The following GHR variants were observed in gnomAD, a reference collection of about 807,000 sequenced individuals.
GHR encodes the protein growth hormone receptor.
In GHR, 35 loss-of-function variants were observed where a neutral mutation model predicts 67.1. The observed-to-expected ratio is 0.52, with a 90% CI of 0.40 to 0.69. The LOEUF (loss-of-function observed/expected upper bound fraction) is 0.69. Ranked by LOEUF, GHR falls within the 30% of genes least tolerant of loss-of-function variation. GHR has a pLI of 0.00. For missense variants in GHR, 792 were observed against 764.6 expected, an observed-to-expected ratio of 1.04 and a Z score of -0.42; for synonymous variants, 272 against 269.1, an observed-to-expected ratio of 1.01 and a Z score of -0.10.
At chr5:42,657,710 T>C (rs926990572) in intron 3 of GHR, among the ~76,000 whole-genome samples, 5 of 152,238 alleles carry the variant, frequency 3.3e-5, no homozygotes, top group African/African-American at 1.2e-4. Flanking sequence ...TATGAAGTAC[T>C]ATAAGTCTAC....
chr5:42,611,704 T>C (rs1752899495), intron 2 of GHR, among the ~76,000 whole-genome samples: 1 of 152,140 alleles, frequency 6.6e-6, no homozygotes, highest in Non-Finnish European at 1.5e-5. Flanking sequence ...GAGGAAGGTT[T>C]TATTTTAGAT....
chr5:42,479,661 G>A (rs1315070548), intron 1 of GHR, among the ~76,000 whole-genome samples: 2 of 152,182 alleles, frequency 1.3e-5, no homozygotes, highest in Non-Finnish European at 2.9e-5. Flanking sequence ...AGATTTTCTA[G>A]TTTATTTGCG....
chr5:42,714,753 AAAAT>A (rs1579667852), intron 8 of GHR, among the ~76,000 whole-genome samples: 1 of 152,176 alleles, frequency 6.6e-6, no homozygotes, highest in Non-Finnish European at 1.5e-5. Context: ...TTGTTTCAGG[AAAAT>A]AAATAAATAT....
intron 1 of GHR, among the ~76,000 whole-genome samples, chr5:42,463,028 GATTT>G (rs775493592): frequency 6.6e-6 from 1 of 151,942 alleles, no homozygotes; most frequent in Admixed American, 6.6e-5. Flanking sequence ...TAAGGAGGTA[GATTT>G]ATTATTTTAA....
rs1386926774 is a variant in GHR, at chr5:42,718,113, C to A, written c.937C>A (p.Leu313Ile). Residue 313 changes from leucine to isoleucine, a missense_variant, in exon 9 of 10, where the codon CTC becomes ATC. Transcript: ENST00000230882. ...AAAGATTAAAGGAATCGATCCAGAT[C>A]TCCTCAAGGTAACTAATAATTTTAT... ...VPKIKGIDPDLLKEGKLEEVN... is the reference protein window; with the variant it reads ...VPKIKGIDPDILKEGKLEEVN... 1.3e-6 allele frequency: 2 copies of A among 1,488,328 alleles called. No homozygotes were observed. The highest frequency in any genetic ancestry group is 1.4e-5 in the African/African-American group (1 of 72,656). The allele number at this position is 1,488,328 out of a possible 1,614,324, so 92.2% of individuals were successfully genotyped here. A position where few individuals can be genotyped will look rare whatever the true frequency, so the allele number is the denominator to read the frequency against.
chr5:42,617,770 G>A (rs892479407), intron 2 of GHR, among the ~76,000 whole-genome samples: 2 of 152,130 alleles, frequency 1.3e-5, no homozygotes, highest in Non-Finnish European at 2.9e-5. Context: ...TGGAGTGGCC[G>A]TGTATGGGTT....
At chr5:42,480,738 T>G (rs1745589708) in intron 1 of GHR, among the ~76,000 whole-genome samples, 1 of 152,180 alleles carries the variant, frequency 6.6e-6, no homozygotes, top group Admixed American at 6.5e-5. Flanking sequence ...TCCATTTGCT[T>G]GGTAGATCTT....
intron 1 of GHR, among the ~76,000 whole-genome samples, chr5:42,448,573 CTATTATTATTATTATTAT>C (rs56084873): frequency 9.7e-5 from 14 of 144,342 alleles, no homozygotes; most frequent in Admixed American, 2.8e-4. Context: ...TATCTGTTTA[CTATTATTATTATTATTAT>C]TATTATTATT....
At chr5:42,662,098 C>T (rs1368224839) in intron 3 of GHR, among the ~76,000 whole-genome samples, 1 of 152,188 alleles carries the variant, frequency 6.6e-6, no homozygotes, top group African/African-American at 2.4e-5. Context: ...CATCCAGATT[C>T]ATAAAGCAAG....
At chr5:42,469,034 G>A (rs775048170) in intron 1 of GHR, among the ~76,000 whole-genome samples, 9 of 152,224 alleles carry the variant, frequency 5.9e-5, no homozygotes, top group Non-Finnish European at 1.3e-4. Flanking sequence ...CTCTAAAATG[G>A]AGTTATGTTT....
chr5:42,491,847 G>C (rs1027711466), intron 1 of GHR, among the ~76,000 whole-genome samples: 12 of 152,172 alleles, frequency 7.9e-5, no homozygotes, highest in Admixed American at 3.9e-4. Context: ...GGCATTCCAG[G>C]AGCAGATGTA....
intron 1 of GHR, among the ~76,000 whole-genome samples, chr5:42,499,186 AG>A (rs1381504788): frequency 2.6e-5 from 4 of 152,196 alleles, no homozygotes; most frequent in Non-Finnish European, 4.4e-5. Flanking sequence ...TCTGTAGATC[AG>A]GGCAGCAATC....
chr5:42,718,453 G>A lies in GHR; in HGVS notation c.946G>A (p.Glu316Lys). ...TCTTCATTTTCTTTCTATTTTCTAG[G>A]AAGGAAAATTAGAGGAGGTGAACAC... ...IKGIDPDLLK[E>K]GKLEEVNTIL... The change falls in exon 10 of 10, where the codon GAA becomes AAA. Residue 316 changes from glutamate to lysine, a missense_variant and splice_region_variant. Transcript: ENST00000230882. 1 of 1,602,430 alleles carries A rather than the reference G, an allele frequency of 6.2e-7. No homozygotes were observed. Among genetic ancestry groups the A allele is most frequent in the Admixed American group, 1.7e-5 (1 of 59,974 alleles).
At chr5:42,592,919 T>A (rs116432880) in intron 2 of GHR, among the ~76,000 whole-genome samples, 347 of 152,360 alleles carry the variant, frequency 2.3e-3, no homozygotes, top group South Asian at 4.6e-3. Context: ...TTTTTGAGTT[T>A]TTAATAATAG....
intron 1 of GHR, among the ~76,000 whole-genome samples, chr5:42,452,598 A>C (rs1744097147): frequency 6.6e-6 from 1 of 152,110 alleles, no homozygotes; most frequent in Non-Finnish European, 1.5e-5. Context: ...ATTTTTAAAA[A>C]TTCTTTTTTC....
chr5:42,531,582 C>T (rs1747971295), intron 1 of GHR, among the ~76,000 whole-genome samples: 1 of 151,994 alleles, frequency 6.6e-6, no homozygotes, highest in African/African-American at 2.4e-5. Context: ...TCAAGCAATC[C>T]ACAGATTTTT....
At chr5:42,711,430 T>C (rs927461502) in intron 7 of GHR, 58 bp downstream of exon 7, 40 of 1,181,338 alleles carry the variant, frequency 3.4e-5, no homozygotes, top group Non-Finnish European at 6.4e-6. Context: ...ATATAACAGT[T>C]GATTCACCCC....
At chr5:42,689,104 AGTGATTTGTT>A in intron 4 of GHR, 85 bp downstream of exon 4, 1 of 1,180,712 alleles carries the variant, frequency 8.5e-7, no homozygotes, top group Non-Finnish European at 1.3e-6. Context: ...TGGGAATGGA[AGTGATTTGTT>A]GTGATTTATG....
chr5:42,434,469 GAGTCTC>G (rs5867588), intron 1 of GHR, among the ~76,000 whole-genome samples: 2,827 of 152,236 alleles, frequency 0.019, 80 homozygotes, highest in African/African-American at 0.064. Context: ...TGAAATACTT[GAGTCTC>G]ATATCCTCAC....
Sources: gnomAD v4.1 joint callset for allele counts (sites outside exome capture counted in the v4.1 genomes callset) on GRCh38, gnomAD v4.1.1 for gene constraint, MANE v1.5 for transcripts, NCBI Gene and HGNC (gene_info 2026-07-23, HGNC 2026-07-21) for gene names.